Variants in GLCE observed in about 807,000 individuals in gnomAD.
GLCE encodes glucuronic acid epimerase.
In GLCE, 19 loss-of-function variants were observed where a neutral mutation model predicts 47.9. That is an observed-to-expected ratio of 0.40 (90% CI 0.28 to 0.58). GLCE has a LOEUF of 0.58. GLCE is among the 20% of genes least tolerant of loss of function. GLCE has a pLI of 0.48. For synonymous variants in GLCE, 245 were observed against 263.4 expected, an observed-to-expected ratio of 0.93 and a Z score of 0.68; for missense variants, 556 against 743.3, an observed-to-expected ratio of 0.75 and a Z score of 2.93.
intron 3 of GLCE, chr15:69,260,828 G>A (rs1247022999): frequency 5.3e-6 from 2 of 379,966 alleles, no homozygotes; most frequent in Non-Finnish European, 9.5e-6. Context: ...CAAAAAGCCA[G>A]TCCTTAAAAG....
intron 2 of GLCE, among the ~76,000 whole-genome samples, chr15:69,224,402 C>T (rs1453349918): frequency 3.3e-5 from 5 of 152,060 alleles, no homozygotes; most frequent in Non-Finnish European, 7.4e-5. Flanking sequence ...TTTTGAATGT[C>T]CCAGTCTTTA....
chr15:69,268,941 T>G lies in GLCE; in HGVS notation c.1551T>G (p.Ile517Met), dbSNP rs756992856. The G allele has an allele frequency of 3.1e-6, 5 of 1,614,156 alleles. No homozygotes were observed. The East Asian group carries it at 1.1e-4, about 36-fold the overall frequency. The part of the protein sequence containing the change: ...FVLNGFMYSL[I>M]GLYDLKETAG... Reference sequence around the variant, plus strand: ...TAAATGGCTTTATGTATTCTTTAATTGGGCTGTATGACTTAAAAGAAACTG... The same window carrying G: ...TAAATGGCTTTATGTATTCTTTAATGGGGCTGTATGACTTAAAAGAAACTG... Residue 517 changes from isoleucine to methionine, a missense_variant, in exon 5 of 5, where the codon ATT becomes ATG. Transcript: ENST00000261858.
intron 3 of GLCE, 53 bp downstream of exon 3, chr15:69,256,445 A>G (rs1392838112): frequency 8.2e-7 from 1 of 1,215,190 alleles, no homozygotes; most frequent in Non-Finnish European, 1.2e-6. Context: ...GTGTTGAGGA[A>G]TAAGAAAATG....
rs558280336 is a variant in GLCE, at chr15:69,205,525, T to C, written c.-104-4791T>C. ...GGGTAAAAATACATAGGTATGGGAT[T>C]GGTGGGTCATATGGTAAATATTTAT... On this transcript the variant is annotated intron_variant, in intron 1 of 4. Transcript: ENST00000261858. Among the ~76,000 whole-genome samples the C allele has an allele frequency of 9.2e-5, 14 of 152,246 alleles. 1 individual carries two copies. In the South Asian group the frequency reaches 2.9e-3, roughly 32 times the overall value.
At chr15:69,253,409 C>T (rs1345930939) in intron 2 of GLCE, among the ~76,000 whole-genome samples, 1 of 152,228 alleles carries the variant, frequency 6.6e-6, no homozygotes, top group African/African-American at 2.4e-5. Flanking sequence ...GGGGAACAAT[C>T]TAGCCAAAAT....
chr15:69,269,471 G>A lies in GLCE; in HGVS notation c.*227G>A. The A allele has an allele frequency of 1.8e-6, 1 of 543,372 alleles. No individual in the cohort carries two copies. The highest frequency in any genetic ancestry group is 3.3e-6 in the Non-Finnish European group (1 of 305,548). 33.7% of individuals were successfully genotyped at this position (543,372 alleles called of 1,614,324 possible). A position where few individuals can be genotyped will look rare whatever the true frequency, so the allele number is the denominator to read the frequency against. Reference sequence around the variant, plus strand: ...GAACACAATGTTTAATCAATGGGCTGAACAAAGATGCTTCACTTTGCCTTG... The same window carrying A: ...GAACACAATGTTTAATCAATGGGCTAAACAAAGATGCTTCACTTTGCCTTG... On this transcript the variant is annotated 3_prime_UTR_variant, in exon 5 of 5. Coordinates refer to ENST00000261858, the MANE Select transcript of GLCE (RefSeq NM_015554.3).
intron 4 of GLCE, among the ~76,000 whole-genome samples, chr15:69,263,508 TG>T (rs2140451751): frequency 6.6e-6 from 1 of 152,122 alleles, no homozygotes; most frequent in African/African-American, 2.4e-5. Context: ...GCATATAATA[TG>T]GGTCTGCAGC....
intron 3 of GLCE, among the ~76,000 whole-genome samples, chr15:69,257,027 TGAG>T (rs1232152691): frequency 3.3e-5 from 5 of 152,202 alleles, no homozygotes; most frequent in African/African-American, 1.2e-4. Context: ...TTAATATGTT[TGAG>T]ATTTCTTGGT....
Position 69,167,822 on chromosome 15 carries a change from A to G in GLCE, c.-105+7065A>G, listed in dbSNP as rs536522044. ...TAGAAAGAGAAAAAGACTTGGGAAA[A>G]GTTTTTTTTTTTTTTTTTTAAATCT... On this transcript the variant is annotated intron_variant, in intron 1 of 4. Coordinates refer to ENST00000261858, the MANE Select transcript of GLCE (RefSeq NM_015554.3). 6.2e-5 allele frequency among the ~76,000 whole-genome samples: 9 copies of G among 145,084 alleles called. 1 individual carries two copies. The South Asian group carries it at 2.0e-3, about 32-fold the overall frequency.
At chr15:69,218,149 CAAAAAAAA>C (rs773040702) in intron 2 of GLCE, among the ~76,000 whole-genome samples, 2 of 54,608 alleles carry the variant, frequency 3.7e-5, no homozygotes, top group South Asian at 6.9e-4. Flanking sequence ...GAGACTGTCT[CAAAAAAAA>C]AAAAAAAAAA....
intron 2 of GLCE, among the ~76,000 whole-genome samples, chr15:69,240,452 A>T (rs2052654102): frequency 6.6e-6 from 1 of 152,142 alleles, no homozygotes; most frequent in African/African-American, 2.4e-5. Context: ...TGTAGAAAAC[A>T]TTTTTTTATG....
At chr15:69,209,813 G>C (rs1170485274) in intron 1 of GLCE, among the ~76,000 whole-genome samples, 1 of 152,102 alleles carries the variant, frequency 6.6e-6, no homozygotes, top group African/African-American at 2.4e-5. Context: ...AGGACAGAGA[G>C]AGAAGCAAAA....
At chr15:69,221,742 A>T (rs2052379985) in intron 2 of GLCE, among the ~76,000 whole-genome samples, 1 of 151,804 alleles carries the variant, frequency 6.6e-6, no homozygotes, top group African/African-American at 2.4e-5. Flanking sequence ...GGGCACCCAT[A>T]ATCCCAGCTA....
At chr15:69,181,658 A>G (rs528255894) in intron 1 of GLCE, among the ~76,000 whole-genome samples, 55 of 152,304 alleles carry the variant, frequency 3.6e-4, no homozygotes, top group Admixed American at 9.8e-4. Context: ...GTGGTGGGGA[A>G]ATAGACTCAT....
At chr15:69,217,063 C>G (rs2052317275) in intron 2 of GLCE, among the ~76,000 whole-genome samples, 7 of 152,072 alleles carry the variant, frequency 4.6e-5, no homozygotes. Flanking sequence ...ACTGATATTT[C>G]TAATGGCTAA....
intron 1 of GLCE, among the ~76,000 whole-genome samples, chr15:69,168,547 T>C (rs903636445): frequency 6.6e-6 from 1 of 152,076 alleles, no homozygotes; most frequent in African/African-American, 2.4e-5. Context: ...TTTTTTTTTT[T>C]TTTGAGACGG....
At chr15:69,231,911 G>T (rs35138840) in intron 2 of GLCE, among the ~76,000 whole-genome samples, 20,410 of 152,078 alleles carry the variant, frequency 0.13, 1,699 homozygotes, top group Non-Finnish European at 0.19. Flanking sequence ...TCCTGCCTGA[G>T]CCTCCCAAGC....
chr15:69,182,721 T>C (rs769465773), intron 1 of GLCE, among the ~76,000 whole-genome samples: 24 of 152,060 alleles, frequency 1.6e-4, no homozygotes, highest in Non-Finnish European at 2.9e-4. Flanking sequence ...TACTTAAAAA[T>C]GGTATTTCGA....
At chr15:69,165,697 G>T (rs528291949) in intron 1 of GLCE, among the ~76,000 whole-genome samples, 2 of 151,716 alleles carry the variant, frequency 1.3e-5, no homozygotes, top group East Asian at 3.9e-4. Context: ...TTTCCTCCTG[G>T]ACTCAAAGGC....
Sources: allele counts gnomAD v4.1 joint callset (sites outside exome capture counted in the v4.1 genomes callset), GRCh38; gene constraint gnomAD v4.1.1; transcripts MANE v1.5; gene names NCBI Gene and HGNC (gene_info 2026-07-23, HGNC 2026-07-21).